Variants in SNTG1 observed in about 807,000 individuals in gnomAD.
The protein encoded by SNTG1 is syntrophin gamma 1.
SNTG1 carries 39 observed loss-of-function variants against 74.7 expected under a neutral mutation model. The ratio of observed to expected loss-of-function variants is 0.52; its 90% CI spans 0.40 to 0.68. The LOEUF (loss-of-function observed/expected upper bound fraction) is 0.68. Ranked by LOEUF, SNTG1 falls within the 30% of genes least tolerant of loss-of-function variation. The pLI is 0.00. For missense variants in SNTG1, 685 were observed against 609.5 expected (o/e 1.12, Z -1.30); for synonymous variants, 254 against 217.1 (o/e 1.17, Z -1.49).
chr8:50,268,048 A>G (rs957839645), intron 2 of SNTG1, among the ~76,000 whole-genome samples: 2 of 152,218 alleles, frequency 1.3e-5, no homozygotes, highest in African/African-American at 4.8e-5. Context: ...CAGAAACACT[A>G]TATGAGTTTA....
At chr8:50,591,980 G>A (rs2094694780) in intron 13 of SNTG1, among the ~76,000 whole-genome samples, 1 of 152,202 alleles carries the variant, frequency 6.6e-6, no homozygotes, top group Admixed American at 6.5e-5. Context: ...GTCACCAGCA[G>A]CTTCTGCTTA....
At chr8:50,276,395 A>G (rs1230362205) in intron 2 of SNTG1, among the ~76,000 whole-genome samples, 5 of 81,834 alleles carry the variant, frequency 6.1e-5, no homozygotes, top group African/African-American at 1.5e-4. Flanking sequence ...ATATATATAT[A>G]TATATATATA....
chr8:50,307,547 T>G (rs1487934975), intron 2 of SNTG1, among the ~76,000 whole-genome samples: 1 of 152,148 alleles, frequency 6.6e-6, no homozygotes, highest in Admixed American at 6.6e-5. Context: ...AAAAAGTATT[T>G]TATTTATGAA....
intron 12 of SNTG1, among the ~76,000 whole-genome samples, chr8:50,580,194 G>A (rs1331177768): frequency 1.3e-5 from 2 of 152,168 alleles, no homozygotes; most frequent in Non-Finnish European, 2.9e-5. Context: ...GACTTGCATG[G>A]GGCCTTTAGC....
chr8:50,154,608 G>T (rs1190083972), intron 1 of SNTG1, among the ~76,000 whole-genome samples: 1 of 152,140 alleles, frequency 6.6e-6, no homozygotes, highest in East Asian at 1.9e-4. Context: ...CTCAAATAAT[G>T]AAATAAGAAA....
chr8:49,981,033 C>G (rs1169816509), intron 1 of SNTG1, among the ~76,000 whole-genome samples: 1 of 152,164 alleles, frequency 6.6e-6, no homozygotes, highest in African/African-American at 2.4e-5. Context: ...CAGTGAAGCT[C>G]TTTAGGGAGC....
At chr8:50,142,177 A>T (rs892281283) in intron 1 of SNTG1, among the ~76,000 whole-genome samples, 3 of 152,112 alleles carry the variant, frequency 2.0e-5, no homozygotes, top group Non-Finnish European at 4.4e-5. Context: ...ACATTTTTAA[A>T]GTTATTTAGC....
intron 8 of SNTG1, among the ~76,000 whole-genome samples, chr8:50,462,640 T>C (rs1206953063): frequency 6.6e-6 from 1 of 152,120 alleles, no homozygotes; most frequent in East Asian, 1.9e-4. Context: ...TTCTAAATTC[T>C]TTGTTGTCAT....
chr8:50,587,768 G>T (rs1199459480), intron 12 of SNTG1, among the ~76,000 whole-genome samples: 1 of 149,814 alleles, frequency 6.7e-6, no homozygotes, highest in Admixed American at 6.7e-5. Flanking sequence ...GAGATTGCCA[G>T]CCTGGGGGAC....
At chr8:50,715,094 C>A (rs1462387014) in intron 17 of SNTG1, among the ~76,000 whole-genome samples, 4 of 152,040 alleles carry the variant, frequency 2.6e-5, no homozygotes, top group African/African-American at 9.7e-5. Context: ...ACAAATAACA[C>A]CTGAGTGTTA....
chr8:50,031,820 T>C (rs1299881894), intron 1 of SNTG1, among the ~76,000 whole-genome samples: 1 of 152,054 alleles, frequency 6.6e-6, no homozygotes, highest in Non-Finnish European at 1.5e-5. Flanking sequence ...ACAAGAGTAA[T>C]ACTGGCTGTA....
intron 1 of SNTG1, among the ~76,000 whole-genome samples, chr8:50,068,145 A>G (rs911213164): frequency 4.6e-5 from 7 of 152,206 alleles, no homozygotes; most frequent in Non-Finnish European, 2.9e-5. Context: ...TTGGTCCTTG[A>G]TCAATGATCT....
At chr8:50,706,305 A>G (rs1205610305) in intron 16 of SNTG1, among the ~76,000 whole-genome samples, 1 of 152,176 alleles carries the variant, frequency 6.6e-6, no homozygotes, top group South Asian at 2.1e-4. Flanking sequence ...TATATTAAAT[A>G]TGATTTTATT....
chr8:50,690,873 G>A (rs1047143880), intron 15 of SNTG1, among the ~76,000 whole-genome samples: 2 of 152,128 alleles, frequency 1.3e-5, no homozygotes, highest in Non-Finnish European at 2.9e-5. Flanking sequence ...TTATTATTGT[G>A]TGGGAGTCTA....
rs1420568895 is a variant in SNTG1 at position 50,416,865 on chromosome 8, A to G, written c.162+14521A>G. 5.3e-4 allele frequency among the ~76,000 whole-genome samples: 8 copies of G among 15,138 alleles called. No homozygotes were observed. The East Asian group carries it at 6.8e-3, about 13-fold the overall frequency. 9.9% of individuals were successfully genotyped at this position (15,138 alleles called of 152,430 possible). On this transcript the variant is annotated intron_variant, in intron 4 of 18. Transcript: ENST00000642720. ...TACCCTGCATTAGAGCAATGGAGTC[A>G]AGCAGATAGATACTTGTTCTGTTCT...
intron 13 of SNTG1, among the ~76,000 whole-genome samples, chr8:50,618,767 C>T (rs1404428366): frequency 6.6e-6 from 1 of 151,660 alleles, no homozygotes; most frequent in Non-Finnish European, 1.5e-5. Context: ...TTTTACAGAC[C>T]ACCCTCAATT....
chr8:50,625,168 T>G, intron 13 of SNTG1, among the ~76,000 whole-genome samples: 1 of 152,140 alleles, frequency 6.6e-6, no homozygotes, highest in East Asian at 1.9e-4. Context: ...TGACCTCAAC[T>G]TACAGGTAAG....
At chr8:50,732,209 G>A (rs7834256) in intron 17 of SNTG1, among the ~76,000 whole-genome samples, 63,260 of 151,648 alleles carry the variant, frequency 0.42, 15,668 homozygotes, top group African/African-American at 0.7. Flanking sequence ...GTTTAATAGT[G>A]TAATTACTAT....
chr8:50,668,266 A>T (rs1470274818), intron 15 of SNTG1, among the ~76,000 whole-genome samples: 1 of 151,906 alleles, frequency 6.6e-6, no homozygotes, highest in Non-Finnish European at 1.5e-5. Context: ...CCCATCTGTT[A>T]TATAAAGTAC....
Sources: allele counts gnomAD v4.1 joint callset (sites outside exome capture counted in the v4.1 genomes callset), GRCh38; gene constraint gnomAD v4.1.1; transcripts MANE v1.5; gene names NCBI Gene and HGNC (gene_info 2026-07-23, HGNC 2026-07-21).